Variants in DBR1 observed in about 807,000 individuals in gnomAD.
DBR1 encodes the protein debranching RNA lariats 1.
In DBR1, 33 loss-of-function variants were observed where a neutral mutation model predicts 45.9. That is an observed-to-expected ratio of 0.72 (90% CI 0.55 to 0.96). DBR1 has a LOEUF of 0.96. DBR1 is among the 40% of genes least tolerant of loss of function. The pLI is 0.00. For missense variants in DBR1, 619 were observed against 667.4 expected (o/e 0.93, Z 0.80); for synonymous variants, 235 against 235.9 (o/e 1.00, Z 0.04).
chr3:138,163,095 C>T (rs982646689), intron 7 of DBR1, among the ~76,000 whole-genome samples: 22 of 151,992 alleles, frequency 1.4e-4, no homozygotes, highest in African/African-American at 3.9e-4. Flanking sequence ...CCATCTCTAC[C>T]AAAAATACCA....
At position 138,171,726 on chromosome 3, in the gene DBR1, G is replaced by A. The variant is rs1203657335; in HGVS notation, c.323-13C>T. 2 of 1,601,796 alleles carry A rather than the reference G, an allele frequency of 1.2e-6. No individual in the cohort carries two copies. Among genetic ancestry groups the A allele is most frequent in the Admixed American group, 3.3e-5 (2 of 59,784 alleles). On this transcript the variant is annotated splice_polypyrimidine_tract_variant and intron_variant, in intron 2 of 7. Transcript: ENST00000260803. ...ACACCAGCCAAACCTAAACAATACA[G>A]TTAAATAAAATTACTGTAGGCAAAA...
intron 1 of DBR1, 78 bp from the exon 2 acceptor site, chr3:138,173,704 A>C: frequency 6.8e-7 from 1 of 1,463,666 alleles, no homozygotes; most frequent in Non-Finnish European, 9.2e-7. Flanking sequence ...AAAAAAAGAA[A>C]CTGAGTTCAT....
In DBR1 at chr3:138,174,888, TA is replaced by T; in HGVS notation, c.-94del. 8.0e-7 allele frequency: 1 copy of T among 1,253,910 alleles called. No homozygotes were observed. The highest frequency in any genetic ancestry group is 2.5e-5 in the East Asian group (1 of 39,704). 77.7% of individuals were successfully genotyped at this position (1,253,910 alleles called of 1,614,324 possible). Reference sequence around the variant, plus strand: ...ATCGCTCAGCTCCCGCCAACTTTAATAAGTATAGCCACCGCCTGGGTGTAGA... The same window carrying T: ...ATCGCTCAGCTCCCGCCAACTTTAATAGTATAGCCACCGCCTGGGTGTAGA... On this transcript the variant is annotated 5_prime_UTR_variant, in exon 1 of 8. Coordinates refer to ENST00000260803, the MANE Select transcript of DBR1 (RefSeq NM_016216.4).
chr3:138,172,399 C>T lies in DBR1; in HGVS notation c.323-686G>A, dbSNP rs188534877. ...ATGAGTTCGAGACCAGCCTGGACAA[C>T]ATGGCCAAACTCAGTCTCCACAAAA... On this transcript the variant is annotated intron_variant, in intron 2 of 7. Transcript: ENST00000260803. Among the ~76,000 whole-genome samples, 603 of 152,196 alleles carry T rather than the reference C, an allele frequency of 4.0e-3. 2 individuals are homozygous for T. Among genetic ancestry groups the T allele is most frequent in the South Asian group, 0.016 (77 of 4,818 alleles).
intron 1 of DBR1, among the ~76,000 whole-genome samples, chr3:138,174,011 ACT>A (rs1355081527): frequency 1.5e-5 from 2 of 134,124 alleles, no homozygotes; most frequent in South Asian, 2.6e-4. Flanking sequence ...ACAAAGCGAA[ACT>A]CTGTCTCAAG....
intron 7 of DBR1, among the ~76,000 whole-genome samples, chr3:138,162,877 A>G (rs553591128): frequency 9.2e-5 from 14 of 152,352 alleles, no homozygotes; most frequent in African/African-American, 3.4e-4. Context: ...AATGCTCAAC[A>G]GTCCATTTTC....
In DBR1 at chr3:138,174,637, G is replaced by T. The variant is rs1425625228; in HGVS notation, c.159C>A (p.Ala53=). The T allele has an allele frequency of 6.2e-7, 1 of 1,604,144 alleles. No homozygotes were observed. Among genetic ancestry groups the T allele is most frequent in the South Asian group, 1.1e-5 (1 of 90,516 alleles). Residue 53 remains alanine (A), a synonymous_variant, in exon 1 of 8, where the codon GCC becomes GCA. Coordinates refer to ENST00000260803, the MANE Select transcript of DBR1 (RefSeq NM_016216.4). ...VRNEADLRCM[A]VPPKYRHMQT... ...GCATGTGACGATACTTGGGCGGCACGGCCATGCAGCGTAGATCCGCCTCGT... is the reference window on the plus strand; with the variant it reads ...GCATGTGACGATACTTGGGCGGCACTGCCATGCAGCGTAGATCCGCCTCGT...
intron 4 of DBR1, 152 bp from the exon 5 acceptor site, chr3:138,167,457 A>G (rs2042935734): frequency 1.2e-5 from 7 of 593,204 alleles, no homozygotes; most frequent in Non-Finnish European, 2.0e-5. Context: ...TAAGAGAGTG[A>G]TAAAAATACT....
At chr3:138,162,991 C>T (rs1436040527) in intron 7 of DBR1, among the ~76,000 whole-genome samples, 2 of 152,184 alleles carry the variant, frequency 1.3e-5, no homozygotes, top group African/African-American at 4.8e-5. Context: ...GATACAGCAG[C>T]TCACGCCTGT....
Position 138,174,791 on chromosome 3 carries a change from C to A in DBR1, c.5G>T (p.Arg2Leu). 1 of 1,610,676 alleles carries A rather than the reference C, an allele frequency of 6.2e-7. No homozygotes were observed. Among genetic ancestry groups the A allele is most frequent in the Non-Finnish European group, 8.5e-7 (1 of 1,179,278 alleles). ...GTGGCAGCAGCCAGCCACAGCCACC[C>A]GCATTCTGCCGGCCTGAGGAGGTGA... M[R>L]VAVAGCCHGE... Residue 2 changes from arginine to leucine, a missense_variant, in exon 1 of 8, where the codon CGG becomes CTG. Transcript: ENST00000260803.
Position 138,174,872 on chromosome 3 carries a change from C to T in DBR1, c.-77G>A, listed in dbSNP as rs971218702. On this transcript the variant is annotated 5_prime_UTR_variant, in exon 1 of 8. Coordinates refer to ENST00000260803, the MANE Select transcript of DBR1 (RefSeq NM_016216.4). ...AGCCCAGGACCGACTGATCGCTCAG[C>T]TCCCGCCAACTTTAATAAGTATAGC... is the stretch of plus-strand genomic sequence containing the variant. 10 of 1,407,606 alleles carry T rather than the reference C, an allele frequency of 7.1e-6. No homozygotes were observed. Among genetic ancestry groups the T allele is most frequent in the South Asian group, 2.6e-5 (2 of 77,894 alleles). The allele number at this position is 1,407,606 out of a possible 1,614,324, so 87.2% of individuals were successfully genotyped here. A position where few individuals can be genotyped will look rare whatever the true frequency, so the allele number is the denominator to read the frequency against.
intron 3 of DBR1, 57 bp downstream of exon 3, chr3:138,171,574 CTT>C: frequency 9.3e-7 from 1 of 1,075,776 alleles, no homozygotes; most frequent in Non-Finnish European, 1.4e-6. Context: ...ACATATCATG[CTT>C]AACTTACTCT....
chr3:138,173,462 A>G (rs913401936), intron 2 of DBR1, 40 bp downstream of exon 2: 13 of 1,608,550 alleles, frequency 8.1e-6, no homozygotes, highest in Admixed American at 1.7e-5. Flanking sequence ...AAGCTCTTCC[A>G]TCCCAGGAAA....
chr3:138,163,623 C>T, intron 6 of DBR1, 129 bp from the exon 7 acceptor site: 1 of 713,198 alleles, frequency 1.4e-6, no homozygotes, highest in Non-Finnish European at 2.0e-6. Context: ...TTAAATCAAT[C>T]CATTTAATTT....
intron 5 of DBR1, 131 bp downstream of exon 5, chr3:138,166,950 A>G (rs2042933067): frequency 3.6e-6 from 3 of 833,302 alleles, no homozygotes; most frequent in Non-Finnish European, 5.7e-6. Flanking sequence ...TGTCTTTCCC[A>G]GAATCATATA....
At chr3:138,173,391 T>C in intron 2 of DBR1, 111 bp downstream of exon 2, 1 of 1,079,152 alleles carries the variant, frequency 9.3e-7, no homozygotes, top group Non-Finnish European at 1.3e-6. Flanking sequence ...GTATTTAAAT[T>C]AATGACATTC....
intron 4 of DBR1, among the ~76,000 whole-genome samples, chr3:138,169,152 G>A (rs2042943675): frequency 6.6e-6 from 1 of 152,244 alleles, no homozygotes; most frequent in Non-Finnish European, 1.5e-5. Flanking sequence ...ATGGGCATGA[G>A]TGCAGTCAGG....
Position 138,162,209 on chromosome 3 carries a change from T to TATCTTC in DBR1, c.1309_1314dup (p.Glu437_Asp438dup), listed in dbSNP as rs1317624747. The TATCTTC allele has an allele frequency of 6.2e-7, 1 of 1,614,062 alleles. No homozygotes were observed. The highest frequency in any genetic ancestry group is 1.7e-5 in the Admixed American group (1 of 60,014). On this transcript the variant is annotated inframe_insertion, in exon 8 of 8. Transcript: ENST00000260803. ...ATGCCACTATGTGCACTTACAATAC[T>TATCTTC]ATCTTCATCTTCTTCTTCATCTAAC...
chr3:138,172,587 C>T (rs2042960165), intron 2 of DBR1, among the ~76,000 whole-genome samples: 1 of 152,014 alleles, frequency 6.6e-6, no homozygotes, highest in African/African-American at 2.4e-5. Context: ...AGAACCAGAC[C>T]TTGTCTCGAA....
Sources: allele counts gnomAD v4.1 joint callset (sites outside exome capture counted in the v4.1 genomes callset), GRCh38; gene constraint gnomAD v4.1.1; transcripts MANE v1.5; gene names NCBI Gene and HGNC (gene_info 2026-07-23, HGNC 2026-07-21).